EML6: variants seen among roughly 807,000 people sequenced by gnomAD.
EML6 encodes echinoderm microtubule-associated protein-like 6.
Under a neutral mutation model 240.1 loss-of-function variants are expected in EML6, and 154 were observed. The observed-to-expected ratio is 0.64, with a 90% CI of 0.56 to 0.73. The LOEUF is 0.73. Ranked by LOEUF, EML6 falls within the 30% of genes least tolerant of loss-of-function variation. EML6 has a pLI of 0.00. For synonymous variants in EML6, 1,148 were observed against 899.0 expected (o/e 1.28, Z -4.95); for missense variants, 2,964 against 2,474.6 (o/e 1.20, Z -4.20).
At chr2:54,744,025 G>T (rs1233050550) in intron 2 of EML6, among the ~76,000 whole-genome samples, 3 of 151,984 alleles carry the variant, frequency 2.0e-5, no homozygotes, top group Non-Finnish European at 2.9e-5. Flanking sequence ...CACACTGGGT[G>T]GGGGAAAGCA....
intron 28 of EML6, among the ~76,000 whole-genome samples, chr2:54,940,709 C>A (rs908431559): frequency 6.6e-6 from 1 of 152,246 alleles, no homozygotes; most frequent in East Asian, 1.9e-4. Context: ...TCATTAGCAA[C>A]TATGGATGGT....
chr2:54,837,068 T>C lies in EML6; in HGVS notation c.848-6979T>C, dbSNP rs181375787. 1.2e-3 allele frequency among the ~76,000 whole-genome samples: 178 copies of C among 152,214 alleles called. 2 individuals are homozygous for C. The highest frequency in any genetic ancestry group is 3.4e-3 in the Middle Eastern group (1 of 294). On this transcript the variant is annotated intron_variant, in intron 7 of 41. Transcript: ENST00000356458. ...CTCTACCAATACTCCCTCTTAAGTT[T>C]GGGTGAAATTACTCTTCCTCTCTCT...
intron 26 of EML6, among the ~76,000 whole-genome samples, chr2:54,926,936 C>G (rs1674579843): frequency 6.6e-6 from 1 of 152,170 alleles, no homozygotes; most frequent in Non-Finnish European, 1.5e-5. Flanking sequence ...ATTTCTCATG[C>G]TCTTTTACTT....
intron 5 of EML6, among the ~76,000 whole-genome samples, chr2:54,822,382 T>G (rs1023232805): frequency 7.9e-5 from 12 of 152,198 alleles, no homozygotes; most frequent in African/African-American, 2.9e-4. Context: ...TTTCATATCT[T>G]AGAATCTATC....
intron 2 of EML6, among the ~76,000 whole-genome samples, chr2:54,807,077 C>T (rs142363834): frequency 2.6e-5 from 4 of 152,108 alleles, no homozygotes; most frequent in African/African-American, 9.7e-5. Context: ...TTCCACATGG[C>T]CAATCAATTC....
intron 2 of EML6, among the ~76,000 whole-genome samples, chr2:54,751,761 T>G (rs1270201772): frequency 6.6e-6 from 1 of 152,226 alleles, no homozygotes; most frequent in African/African-American, 2.4e-5. Context: ...CAAGGTTTGT[T>G]ATGCTGAATA....
chr2:54,882,717 G>C (rs1286760055), intron 17 of EML6: 2 of 151,464 alleles, frequency 1.3e-5, no homozygotes, highest in African/African-American at 4.8e-5. Flanking sequence ...AATTAGCCAG[G>C]CCTGGTGGCG....
intron 28 of EML6, among the ~76,000 whole-genome samples, chr2:54,939,688 C>A (rs1389416489): frequency 6.6e-6 from 1 of 152,202 alleles, no homozygotes; most frequent in Non-Finnish European, 1.5e-5. Flanking sequence ...CTCTGTCTCT[C>A]TTGACCCTCC....
intron 7 of EML6, among the ~76,000 whole-genome samples, chr2:54,840,241 C>G (rs1455368536): frequency 6.6e-6 from 1 of 152,160 alleles, no homozygotes; most frequent in Non-Finnish European, 1.5e-5. Flanking sequence ...TGTGTTCATG[C>G]TTACAGTGAA....
intron 2 of EML6, among the ~76,000 whole-genome samples, chr2:54,802,727 T>TA (rs1176735727): frequency 1.3e-5 from 2 of 152,188 alleles, no homozygotes; most frequent in African/African-American, 4.8e-5. Flanking sequence ...AAGGCCATGT[T>TA]ACTTTACTTA....
intron 34 of EML6, among the ~76,000 whole-genome samples, 188 bp from the exon 35 acceptor site, chr2:54,960,032 G>A (rs373286187): frequency 3.1e-4 from 47 of 152,210 alleles, no homozygotes; most frequent in African/African-American, 9.6e-4. Flanking sequence ...AAGCTCAGGA[G>A]GTTGGGATTG....
chr2:54,880,944 G>A (rs952144488), intron 17 of EML6: 1 of 151,958 alleles, frequency 6.6e-6, no homozygotes, highest in Non-Finnish European at 1.5e-5. Flanking sequence ...TAATAGAAAT[G>A]GAAGAAAGAA....
intron 18 of EML6, among the ~76,000 whole-genome samples, chr2:54,891,910 C>T (rs2163617): frequency 0.7 from 106,406 of 152,124 alleles, 37,805 homozygotes; most frequent in African/African-American, 0.81. Flanking sequence ...TGGCTTGTCC[C>T]GTATACTACC....
At chr2:54,910,034 AT>A (rs1457973776) in intron 24 of EML6, among the ~76,000 whole-genome samples, 1 of 152,164 alleles carries the variant, frequency 6.6e-6, no homozygotes, top group East Asian at 1.9e-4. Flanking sequence ...GAGAAATATT[AT>A]GTATATGTAT....
chr2:54,851,381 C>G (rs1176749453), intron 10 of EML6, among the ~76,000 whole-genome samples: 1 of 152,088 alleles, frequency 6.6e-6, no homozygotes, highest in Non-Finnish European at 1.5e-5. Context: ...CCACTGCACT[C>G]CAGCCTGGGT....
chr2:54,857,638 T>A (rs1204050703), intron 11 of EML6, among the ~76,000 whole-genome samples: 1 of 152,198 alleles, frequency 6.6e-6, no homozygotes, highest in African/African-American at 2.4e-5. Flanking sequence ...AATTGGGCAG[T>A]GCAGTGTTCT....
chr2:54,920,276 G>C (rs776602754), intron 26 of EML6, among the ~76,000 whole-genome samples: 5 of 152,032 alleles, frequency 3.3e-5, no homozygotes, highest in Non-Finnish European at 7.4e-5. Flanking sequence ...CCAACCTTTA[G>C]CTAGACTAGC....
rs1349262237 is a variant in EML6 at position 54,968,111 on chromosome 2, T to C, written c.5598-17T>C. 4 of 1,549,690 alleles carry C rather than the reference T, an allele frequency of 2.6e-6. No homozygotes were observed. In the East Asian group the frequency reaches 7.4e-5, roughly 29 times the overall value. ...CGTGACTTCCTTCTATCCTAACCCCTCTTTCTGTTGGAACAGCGTCCTGGG... is the reference window on the plus strand; with the variant it reads ...CGTGACTTCCTTCTATCCTAACCCCCCTTTCTGTTGGAACAGCGTCCTGGG... On this transcript the variant is annotated splice_polypyrimidine_tract_variant and intron_variant, in intron 39 of 41. Coordinates refer to ENST00000356458, the MANE Select transcript of EML6 (RefSeq NM_001039753.4).
rs146806669 is a variant in EML6 at position 54,899,828 on chromosome 2, C to T, written c.3124+46C>T. The T allele has an allele frequency of 6.7e-4, 1,008 of 1,503,214 alleles. 5 individuals are homozygous for T. Among genetic ancestry groups the T allele is most frequent in the Middle Eastern group, 4.3e-3 (25 of 5,844 alleles). The allele number at this position is 1,503,214 out of a possible 1,614,324, so 93.1% of individuals were successfully genotyped here. A position where few individuals can be genotyped will look rare whatever the true frequency, so the allele number is the denominator to read the frequency against. On this transcript the variant is annotated intron_variant, in intron 22 of 41. Transcript: ENST00000356458. The stretch of plus-strand genomic sequence containing the variant: ...CATCTGTCAGAGTATTTACAAGTAA[C>T]AGAATGTGTCATATTTATTCACTCA...
Sources: gnomAD v4.1 joint callset for allele counts (sites outside exome capture counted in the v4.1 genomes callset) on GRCh38, gnomAD v4.1.1 for gene constraint, MANE v1.5 for transcripts, NCBI Gene and HGNC (gene_info 2026-07-23, HGNC 2026-07-21) for gene names.